Variants in COL5A2 observed in about 807,000 individuals in gnomAD.
The protein encoded by COL5A2 is collagen type V alpha 2 chain.
In COL5A2, 23 loss-of-function variants were observed where a neutral mutation model predicts 208.2. The ratio of observed to expected loss-of-function variants is 0.11; its 90% confidence interval spans 0.08 to 0.16. The LOEUF (loss-of-function observed/expected upper bound fraction) is 0.16, where lower values mean the gene tolerates loss of function less well. Among genes scored for constraint, COL5A2 ranks in the 10% least tolerant of loss-of-function variants. The pLI is 1.00. For synonymous variants in COL5A2, 625 were observed against 628.5 expected, an observed-to-expected ratio of 0.99 and a Z score of 0.08; for missense variants, 1,590 against 1,956.4, an observed-to-expected ratio of 0.81 and a Z score of 3.53.
chr2:189,049,776 G>T (rs763135948), intron 43 of COL5A2, among the ~76,000 whole-genome samples: 2 of 151,914 alleles, frequency 1.3e-5, no homozygotes, highest in Non-Finnish European at 2.9e-5. Context: ...CTTTTTCCCC[G>T]CTCTGCTTTG....
At chr2:189,428,882 CATA>C in the COL5A2 span, among the ~76,000 whole-genome samples, 5 of 152,158 alleles carry the variant, frequency 3.3e-5, no homozygotes, top group Admixed American at 3.3e-4. Flanking sequence ...TGATCTCACT[CATA>C]ATGAGGCAAC....
At chr2:189,103,885 C>T (rs1053515425) in intron 3 of COL5A2, among the ~76,000 whole-genome samples, 3 of 152,000 alleles carry the variant, frequency 2.0e-5, no homozygotes, top group Admixed American at 2.0e-4. Flanking sequence ...CACTTTCTTC[C>T]TTCCTCCTTC....
At chr2:189,104,774 A>G (rs1285276603) in intron 2 of COL5A2, among the ~76,000 whole-genome samples, 1 of 151,732 alleles carries the variant, frequency 6.6e-6, no homozygotes, top group African/African-American at 2.4e-5. Context: ...GTTGTTCTCA[A>G]GTTTAGTTTG....
At chr2:189,425,955 C>T in the COL5A2 span, among the ~76,000 whole-genome samples, 3 of 152,166 alleles carry the variant, frequency 2.0e-5, no homozygotes, top group South Asian at 2.1e-4. Flanking sequence ...AATCCTGAGC[C>T]AATTAAACTT....
Position 189,089,156 on chromosome 2 carries a change from G to A in COL5A2, c.568-384C>T, listed in dbSNP as rs541586101. 2.0e-5 allele frequency among the ~76,000 whole-genome samples: 3 copies of A among 152,272 alleles called. No individual in the cohort carries two copies. In the South Asian group the frequency reaches 6.2e-4, roughly 32 times the overall value. On this transcript the variant is annotated intron_variant, in intron 7 of 53. Transcript: ENST00000374866. ...AACATCTAAACAAAGCCTAAAAGAT[G>A]CCTTTAAAACATTTGTCCTAAAGAT...
At chr2:189,069,586 A>G (rs1036835859) in intron 18 of COL5A2, among the ~76,000 whole-genome samples, 3 of 152,202 alleles carry the variant, frequency 2.0e-5, no homozygotes, top group South Asian at 4.1e-4. Flanking sequence ...AGCTTCATGC[A>G]ATCATCAGAG....
At chr2:189,080,938 G>C in intron 13 of COL5A2, 52 bp downstream of exon 13, 1 of 1,416,010 alleles carries the variant, frequency 7.1e-7, no homozygotes, top group Non-Finnish European at 1.0e-6. Context: ...TCTCCCCAGA[G>C]CCTGTTCACT....
chr2:189,413,368 T>C, the COL5A2 span, among the ~76,000 whole-genome samples: 11 of 152,282 alleles, frequency 7.2e-5, no homozygotes, highest in African/African-American at 2.4e-4. Context: ...AAGTAATTTA[T>C]GGTTACAAGA....
the COL5A2 span, among the ~76,000 whole-genome samples, chr2:189,277,979 A>G: frequency 1.3e-5 from 2 of 152,226 alleles, no homozygotes; most frequent in Admixed American, 1.3e-4. Flanking sequence ...TAAGTATAAA[A>G]GGTTTTTTTC....
chr2:189,309,757 G>A, the COL5A2 span, among the ~76,000 whole-genome samples: 1 of 152,208 alleles, frequency 6.6e-6, no homozygotes, highest in Admixed American at 6.5e-5. Context: ...ATTTGCCACT[G>A]TTAAACACTG....
chr2:189,159,267 C>T (rs1398948700), intron 1 of COL5A2, among the ~76,000 whole-genome samples: 1 of 152,100 alleles, frequency 6.6e-6, no homozygotes, highest in Non-Finnish European at 1.5e-5. Flanking sequence ...AGTTATATAC[C>T]CATTGGTTCT....
the COL5A2 span, among the ~76,000 whole-genome samples, chr2:189,295,945 G>A: frequency 6.6e-6 from 1 of 151,658 alleles, no homozygotes; most frequent in Non-Finnish European, 1.5e-5. Flanking sequence ...GCTCACAGAT[G>A]TGGTTTTTTT....
intron 1 of COL5A2, among the ~76,000 whole-genome samples, chr2:189,207,705 T>C (rs1689158700): frequency 6.6e-6 from 1 of 152,202 alleles, no homozygotes; most frequent in Non-Finnish European, 1.5e-5. Context: ...TTCTTCACTC[T>C]ACTCCACTTA....
chr2:189,360,665 G>A, the COL5A2 span, among the ~76,000 whole-genome samples: 4 of 141,158 alleles, frequency 2.8e-5, no homozygotes, highest in Admixed American at 2.2e-4. Flanking sequence ...AAGATGTGCA[G>A]GTTTGTTACA....
chr2:189,105,828 T>C (rs1016994554), intron 2 of COL5A2, among the ~76,000 whole-genome samples: 1 of 151,528 alleles, frequency 6.6e-6, no homozygotes, highest in Non-Finnish European at 1.5e-5. Context: ...TTTGTGCTAG[T>C]GTAGAATATA....
intron 41 of COL5A2, 54 bp downstream of exon 41, chr2:189,052,118 C>T (rs372349657): frequency 5.8e-5 from 81 of 1,394,294 alleles, no homozygotes; most frequent in African/African-American, 2.1e-4. Context: ...CAAATGTATA[C>T]GTGTGTGTGT....
At chr2:189,437,150 T>G in the COL5A2 span, among the ~76,000 whole-genome samples, 3 of 152,050 alleles carry the variant, frequency 2.0e-5, no homozygotes. Context: ...AAGTCTTAGG[T>G]TTTTCACCTA....
At chr2:189,200,543 AAG>A (rs999323637) in intron 1 of COL5A2, among the ~76,000 whole-genome samples, 35 of 145,428 alleles carry the variant, frequency 2.4e-4, no homozygotes, top group Non-Finnish European at 6.0e-5. Flanking sequence ...ATAGAGGGAA[AAG>A]AGAGAGAATA....
At chr2:189,281,124 T>C in the COL5A2 span, among the ~76,000 whole-genome samples, 2 of 152,148 alleles carry the variant, frequency 1.3e-5, no homozygotes, top group East Asian at 1.9e-4. Flanking sequence ...TATCTCTTAA[T>C]CTTTAAAAAA....
Sources: gnomAD v4.1 joint callset for allele counts (sites outside exome capture counted in the v4.1 genomes callset) on GRCh38, gnomAD v4.1.1 for gene constraint, MANE v1.5 for transcripts, NCBI Gene and HGNC (gene_info 2026-07-23, HGNC 2026-07-21) for gene names.